The following MARCHF1 variants were observed in gnomAD, a reference collection of about 807,000 sequenced individuals.
MARCHF1 encodes the protein membrane associated ring-CH-type finger 1, also known as E3 ubiquitin-protein ligase MARCHF1.
A neutral mutation model predicts 54.2 loss-of-function variants in MARCHF1; 40 were observed. The observed-to-expected ratio is 0.74, with a 90% CI of 0.57 to 0.96. MARCHF1 has a LOEUF of 0.96. Ranked by LOEUF, MARCHF1 falls within the 40% of genes least tolerant of loss-of-function variation. The pLI, the probability that MARCHF1 is intolerant of heterozygous loss-of-function variation, is 0.00. For synonymous variants in MARCHF1, 236 were observed against 236.3 expected (o/e 1.00, Z 0.01); for missense variants, 586 against 656.5 (o/e 0.89, Z 1.17).
At chr4:163,755,932 A>T (rs1746653158) in intron 4 of MARCHF1, among the ~76,000 whole-genome samples, 1 of 152,200 alleles carries the variant, frequency 6.6e-6, no homozygotes, top group South Asian at 2.1e-4. Context: ...ACTGGGCTTT[A>T]CCTACAATTC....
chr4:164,080,235 A>G (rs1006728644), intron 2 of MARCHF1, among the ~76,000 whole-genome samples: 4 of 152,250 alleles, frequency 2.6e-5, no homozygotes, highest in Admixed American at 2.6e-4. Context: ...ACTAAGCCTT[A>G]GCTAACCTAT....
At position 163,978,094 on chromosome 4, in the gene MARCHF1, G is replaced by A. The variant is rs555363209; in HGVS notation, c.-39+10407C>T. Among the ~76,000 whole-genome samples, 48 of 152,254 alleles carry A rather than the reference G, an allele frequency of 3.2e-4. No individual in the cohort carries two copies. The South Asian group carries it at 9.5e-3, about 30-fold the overall frequency. The stretch of plus-strand genomic sequence containing the variant: ...AGAAAATTCGTTGCTCAGCAATTCT[G>A]AGATTGACACCAAATCAGCAAAGAA... On this transcript the variant is annotated intron_variant, in intron 3 of 9. Transcript: ENST00000514618.
chr4:163,822,760 T>A (rs142442849), intron 4 of MARCHF1, among the ~76,000 whole-genome samples: 341 of 151,976 alleles, frequency 2.2e-3, no homozygotes, highest in African/African-American at 8.1e-3. Context: ...TGTTTTGAAG[T>A]GTACAATCAA....
At chr4:163,597,318 AT>A (rs1370079746) in intron 7 of MARCHF1, among the ~76,000 whole-genome samples, 2 of 152,184 alleles carry the variant, frequency 1.3e-5, no homozygotes, top group African/African-American at 4.8e-5. Flanking sequence ...CAAAATGAAA[AT>A]GCCATACAAA....
chr4:163,803,225 G>A (rs1310383417), intron 4 of MARCHF1, among the ~76,000 whole-genome samples: 1 of 152,152 alleles, frequency 6.6e-6, no homozygotes, highest in Non-Finnish European at 1.5e-5. Flanking sequence ...CCAGTCTGGA[G>A]TGTAATGGCC....
At chr4:164,161,542 T>TCAGCAGCAG (rs777700438) in intron 1 of MARCHF1, among the ~76,000 whole-genome samples, 9 of 151,294 alleles carry the variant, frequency 5.9e-5, no homozygotes, top group African/African-American at 2.2e-4. Context: ...ATCATCATCA[T>TCAGCAGCAG]CATCAGCAGC....
chr4:163,756,552 G>T (rs1746674247), intron 4 of MARCHF1, among the ~76,000 whole-genome samples: 1 of 136,222 alleles, frequency 7.3e-6, no homozygotes, highest in Non-Finnish European at 1.5e-5. Context: ...AGAATCACTT[G>T]AACCAGGAGG....
chr4:164,288,541 A>G (rs1734206844), intron 1 of MARCHF1, among the ~76,000 whole-genome samples: 1 of 152,080 alleles, frequency 6.6e-6, no homozygotes, highest in African/African-American at 2.4e-5. Context: ...AATTTCTATT[A>G]ATAGGTATGA....
intron 4 of MARCHF1, among the ~76,000 whole-genome samples, chr4:163,795,147 T>A (rs541549618): frequency 6.6e-6 from 1 of 152,370 alleles, no homozygotes; most frequent in South Asian, 2.1e-4. Context: ...CTTCTTTCAG[T>A]GTCTTTCAAC....
At chr4:164,379,804 C>T (rs1165842658) in intron 1 of MARCHF1, among the ~76,000 whole-genome samples, 2 of 151,708 alleles carry the variant, frequency 1.3e-5, no homozygotes, top group African/African-American at 2.4e-5. Context: ...GGTGAAACCC[C>T]ATCTATGCTA....
intron 1 of MARCHF1, among the ~76,000 whole-genome samples, chr4:164,355,080 G>A (rs1338391990): frequency 1.0e-5 from 1 of 97,958 alleles, no homozygotes; most frequent in East Asian, 3.4e-4. Flanking sequence ...CCTCTTCAAG[G>A]AGAACTACAA....
chr4:163,636,389 C>T (rs1025774678), intron 5 of MARCHF1, among the ~76,000 whole-genome samples: 6 of 144,350 alleles, frequency 4.2e-5, no homozygotes, highest in African/African-American at 1.5e-4. Context: ...TAAGCAACTT[C>T]AGCAAAGTCT....
At chr4:163,686,123 G>A (rs1369236185) in intron 5 of MARCHF1, among the ~76,000 whole-genome samples, 1 of 152,142 alleles carries the variant, frequency 6.6e-6, no homozygotes, top group Non-Finnish European at 1.5e-5. Flanking sequence ...ATATATAGCA[G>A]ATGCTTACTG....
intron 5 of MARCHF1, among the ~76,000 whole-genome samples, chr4:163,629,371 C>A (rs1235907493): frequency 6.6e-6 from 1 of 152,024 alleles, no homozygotes; most frequent in African/African-American, 2.4e-5. Context: ...AAGCTGAAAC[C>A]GGATCCCTTT....
intron 3 of MARCHF1, among the ~76,000 whole-genome samples, chr4:163,965,981 G>A (rs1005812147): frequency 6.6e-6 from 1 of 152,048 alleles, no homozygotes; most frequent in African/African-American, 2.4e-5. Context: ...AGAGATGACA[G>A]ATACAATAAC....
intron 4 of MARCHF1, among the ~76,000 whole-genome samples, chr4:163,713,031 G>A (rs1381535756): frequency 1.3e-5 from 2 of 151,700 alleles, no homozygotes; most frequent in African/African-American, 2.4e-5. Context: ...CAGTAGCTTC[G>A]ACTCATCTCC....
intron 1 of MARCHF1, among the ~76,000 whole-genome samples, chr4:164,255,509 C>T (rs971051610): frequency 2.0e-5 from 3 of 150,882 alleles, no homozygotes; most frequent in Non-Finnish European, 4.4e-5. Flanking sequence ...ATATACTTAC[C>T]AATTTAAAAG....
At chr4:164,202,213 T>C (rs1332564018) in intron 1 of MARCHF1, among the ~76,000 whole-genome samples, 1 of 152,220 alleles carries the variant, frequency 6.6e-6, no homozygotes, top group African/African-American at 2.4e-5. Context: ...AAACTGTCAT[T>C]ACATTTAGAT....
At chr4:163,960,988 T>C (rs973963972) in intron 3 of MARCHF1, among the ~76,000 whole-genome samples, 2 of 151,832 alleles carry the variant, frequency 1.3e-5, no homozygotes, top group African/African-American at 4.8e-5. Flanking sequence ...TTTTCCTCTG[T>C]GTGCATGTGG....
Sources: gnomAD v4.1 joint callset for allele counts (sites outside exome capture counted in the v4.1 genomes callset) on GRCh38, gnomAD v4.1.1 for gene constraint, MANE v1.5 for transcripts, NCBI Gene and HGNC (gene_info 2026-07-23, HGNC 2026-07-21) for gene names.